Variants in STIM2 observed in about 807,000 individuals in gnomAD.
STIM2 encodes the protein stromal interaction molecule 2.
A neutral mutation model predicts 85.8 loss-of-function variants in STIM2; 31 were observed. The ratio of observed to expected loss-of-function variants is 0.36; its 90% confidence interval spans 0.27 to 0.49. STIM2 has a LOEUF of 0.49. Ranked by LOEUF, STIM2 falls within the 20% of genes least tolerant of loss-of-function variation. The probability of loss-of-function intolerance (pLI) is 0.98; values close to 1 mark genes in which losing one functional copy is unlikely to be tolerated. For missense variants in STIM2, 841 were observed against 927.6 expected, an observed-to-expected ratio of 0.91 and a Z score of 1.21; for synonymous variants, 356 against 331.1, an observed-to-expected ratio of 1.08 and a Z score of -0.82.
intron 4 of STIM2, among the ~76,000 whole-genome samples, chr4:26,996,877 C>G (rs1489798388): frequency 6.6e-6 from 1 of 152,040 alleles, no homozygotes; most frequent in Admixed American, 6.5e-5. Flanking sequence ...ATAAAATAGG[C>G]TAATCTGAGT....
At chr4:26,961,765 CT>C (rs1013242546) in intron 3 of STIM2, among the ~76,000 whole-genome samples, 2 of 148,916 alleles carry the variant, frequency 1.3e-5, no homozygotes, top group African/African-American at 2.5e-5. Flanking sequence ...CCCATGGCAT[CT>C]TTTTTTTTTC....
chr4:26,914,348 C>A (rs77259279), intron 1 of STIM2, among the ~76,000 whole-genome samples: 1,715 of 152,232 alleles, frequency 0.011, 18 homozygotes, highest in Non-Finnish European at 0.016. Context: ...ATATAATAAT[C>A]ATTAGCTTAT....
rs1340674188 is a variant in STIM2 at position 26,971,398 on chromosome 4, T to C, written c.397+13672T>C. ...TTAGGTCTAACATTTAATTCTTTAA[T>C]TCATCTTGAATTAATTTTTGTATAA... is the stretch of plus-strand genomic sequence containing the variant. On this transcript the variant is annotated intron_variant, in intron 3 of 11. Coordinates refer to ENST00000467087, the MANE Select transcript of STIM2 (RefSeq NM_020860.4). Among the ~76,000 whole-genome samples the C allele has an allele frequency of 2.0e-5, 3 of 152,338 alleles. No homozygotes were observed. In the East Asian group the frequency reaches 5.8e-4, roughly 29 times the overall value.
At chr4:26,984,438 G>T (rs1727507723) in intron 3 of STIM2, among the ~76,000 whole-genome samples, 1 of 152,176 alleles carries the variant, frequency 6.6e-6, no homozygotes, top group Non-Finnish European at 1.5e-5. Flanking sequence ...TCGGCTCACT[G>T]CAACCTCCGT....
intron 2 of STIM2, among the ~76,000 whole-genome samples, chr4:26,927,693 A>C (rs866336157): frequency 7.8e-6 from 1 of 127,874 alleles, no homozygotes; most frequent in East Asian, 2.0e-4. Flanking sequence ...AAAAAAAAAA[A>C]AAAAAAAAAA....
At chr4:26,965,361 C>G (rs11727039) in intron 3 of STIM2, among the ~76,000 whole-genome samples, 24,746 of 152,104 alleles carry the variant, frequency 0.16, 2,321 homozygotes, top group East Asian at 0.29. Flanking sequence ...AAAATAGTGT[C>G]TCTCTTGATT....
At chr4:26,869,373 G>T (rs1297298341) in intron 1 of STIM2, among the ~76,000 whole-genome samples, 1 of 149,572 alleles carries the variant, frequency 6.7e-6, no homozygotes, top group African/African-American at 2.5e-5. Flanking sequence ...GTCCTAAAAA[G>T]AACTATAGAG....
intron 5 of STIM2, among the ~76,000 whole-genome samples, chr4:27,000,058 T>C: frequency 6.6e-6 from 1 of 152,148 alleles, no homozygotes; most frequent in East Asian, 1.9e-4. Context: ...TTATGTTTTT[T>C]TTTTTTAGTC....
chr4:26,942,275 A>G, intron 2 of STIM2, among the ~76,000 whole-genome samples: 1 of 152,096 alleles, frequency 6.6e-6, no homozygotes, highest in East Asian at 1.9e-4. Flanking sequence ...CTCATCCCCT[A>G]TCCCTACTCT....
In STIM2 at chr4:27,003,115, T is replaced by TAA; in HGVS notation, c.981+20_981+21dup. 5.1e-6 allele frequency: 7 copies of TAA among 1,384,018 alleles called. No individual in the cohort carries two copies. Among genetic ancestry groups the TAA allele is most frequent in the Admixed American group, 5.0e-5 (2 of 40,282 alleles). 85.7% of individuals were successfully genotyped at this position (1,384,018 alleles called of 1,614,324 possible). On this transcript the variant is annotated intron_variant, in intron 7 of 11. Coordinates refer to ENST00000467087, the MANE Select transcript of STIM2 (RefSeq NM_020860.4). ...CAGGAATTGGAACAGGTATTTACAT[T>TAA]AAAAAAAAAATCACTTGTAAAGATG... is the stretch of plus-strand genomic sequence containing the variant.
chr4:26,928,792 T>A (rs1725089004), intron 2 of STIM2, among the ~76,000 whole-genome samples: 1 of 152,236 alleles, frequency 6.6e-6, no homozygotes, highest in Non-Finnish European at 1.5e-5. Context: ...TCAGTGGAAT[T>A]TTAGGCATGT....
At chr4:26,969,115 A>ACT (rs1244892641) in intron 3 of STIM2, among the ~76,000 whole-genome samples, 4 of 152,218 alleles carry the variant, frequency 2.6e-5, no homozygotes. Flanking sequence ...AAGGCAAGAA[A>ACT]CTTGCTGACA....
chr4:26,879,804 G>T (rs1186798922), intron 1 of STIM2, among the ~76,000 whole-genome samples: 1 of 152,116 alleles, frequency 6.6e-6, no homozygotes, highest in African/African-American at 2.4e-5. Flanking sequence ...GTCCTAAGAG[G>T]TATACTTGAT....
chr4:26,917,158 G>A (rs779807529), intron 1 of STIM2, among the ~76,000 whole-genome samples: 3 of 152,120 alleles, frequency 2.0e-5, no homozygotes, highest in Non-Finnish European at 2.9e-5. Flanking sequence ...AAGCTTAATC[G>A]AGTACAGCAT....
intron 1 of STIM2, among the ~76,000 whole-genome samples, chr4:26,889,705 C>T (rs1723393063): frequency 6.6e-6 from 1 of 152,130 alleles, no homozygotes; most frequent in Admixed American, 6.5e-5. Context: ...CATAGAAGTT[C>T]ATGTTGCTGA....
At chr4:27,000,467 G>C (rs1328559134) in intron 5 of STIM2, among the ~76,000 whole-genome samples, 1 of 152,158 alleles carries the variant, frequency 6.6e-6, no homozygotes, top group African/African-American at 2.4e-5. Context: ...ATTGTCTTCT[G>C]TGGGATTCTG....
At chr4:26,866,205 G>C (rs960640044) in intron 1 of STIM2, among the ~76,000 whole-genome samples, 1 of 152,130 alleles carries the variant, frequency 6.6e-6, no homozygotes, top group African/African-American at 2.4e-5. Flanking sequence ...GTAGTCCTCA[G>C]TTTTCTATTG....
Position 26,999,341 on chromosome 4 carries a change from C to T in STIM2, c.619C>T (p.Leu207=), listed in dbSNP as rs780056831. The T allele has an allele frequency of 3.1e-6, 5 of 1,600,230 alleles. No individual in the cohort carries two copies. The highest frequency in any genetic ancestry group is 2.3e-5 in the East Asian group (1 of 44,126). The change falls in exon 5 of 12, where the codon CTA becomes TTA. Residue 207 remains leucine (L), a synonymous_variant. Transcript: ENST00000467087. ...ATTGGATGTGGTTTTGTTTGGACCT[C>T]TAACACGTTAGTATTCTCTCTCACT...
Position 26,962,019 on chromosome 4 carries a change from A to G in STIM2, c.397+4293A>G, listed in dbSNP as rs1423885872. Among the ~76,000 whole-genome samples the G allele has an allele frequency of 3.3e-5, 5 of 152,154 alleles. No homozygotes were observed. The East Asian group carries it at 9.6e-4, about 29-fold the overall frequency. Reference sequence around the variant, plus strand: ...TCCTGTCTTGGCTTCCTAAAGTGCTAGGATTACAGGTGGGAGTCACCACAC... The same window carrying G: ...TCCTGTCTTGGCTTCCTAAAGTGCTGGGATTACAGGTGGGAGTCACCACAC... On this transcript the variant is annotated intron_variant, in intron 3 of 11. Transcript: ENST00000467087.
Sources: gnomAD v4.1 joint callset for allele counts (sites outside exome capture counted in the v4.1 genomes callset) on GRCh38, gnomAD v4.1.1 for gene constraint, MANE v1.5 for transcripts, NCBI Gene and HGNC (gene_info 2026-07-23, HGNC 2026-07-21) for gene names.